DAPK1: variants seen among roughly 807,000 people sequenced by gnomAD.
DAPK1 encodes death-associated protein kinase 1.
A neutral mutation model predicts 144.9 loss-of-function variants in DAPK1; 56 were observed. That is an observed-to-expected ratio of 0.39 (90% CI 0.31 to 0.48). The LOEUF (loss-of-function observed/expected upper bound fraction) is 0.48, where lower values mean the gene tolerates loss of function less well. Ranked by LOEUF, DAPK1 falls within the 20% of genes least tolerant of loss-of-function variation. The pLI, the probability that DAPK1 is intolerant of heterozygous loss-of-function variation, is 0.95. For synonymous variants in DAPK1, 690 were observed against 749.0 expected, an observed-to-expected ratio of 0.92 and a Z score of 1.29; for missense variants, 1,454 against 1,875.4, an observed-to-expected ratio of 0.78 and a Z score of 4.15.
At chr9:87,688,308 A>G (rs1214200692) in intron 21 of DAPK1, among the ~76,000 whole-genome samples, 1 of 152,156 alleles carries the variant, frequency 6.6e-6, no homozygotes, top group African/African-American at 2.4e-5. Context: ...TTCATGATGT[A>G]TATGTATCAT....
At chr9:87,672,154 T>G (rs558060120) in intron 19 of DAPK1, among the ~76,000 whole-genome samples, 1 of 152,156 alleles carries the variant, frequency 6.6e-6, no homozygotes, top group Non-Finnish European at 1.5e-5. Flanking sequence ...TGTTTCCTGT[T>G]ATTGTTGGAA....
chr9:87,647,261 T>C, intron 13 of DAPK1, 44 bp from the exon 14 acceptor site: 1 of 1,490,646 alleles, frequency 6.7e-7, no homozygotes, highest in Non-Finnish European at 9.4e-7. Flanking sequence ...CATCTGGTGC[T>C]GTCAGCTCCC....
At chr9:87,535,131 G>A (rs531805642) in intron 2 of DAPK1, among the ~76,000 whole-genome samples, 26 of 152,116 alleles carry the variant, frequency 1.7e-4, no homozygotes, top group Admixed American at 4.6e-4. Context: ...TCTGTTTTCT[G>A]TGTGTTTCTA....
chr9:87,547,613 G>A (rs1433412071), intron 2 of DAPK1, among the ~76,000 whole-genome samples: 1 of 151,726 alleles, frequency 6.6e-6, no homozygotes, highest in African/African-American at 2.4e-5. Context: ...GTGCGTGTGT[G>A]TAGAGGAGGG....
At chr9:87,541,567 A>T (rs961406162) in intron 2 of DAPK1, among the ~76,000 whole-genome samples, 7 of 149,668 alleles carry the variant, frequency 4.7e-5, no homozygotes, top group South Asian at 2.1e-4. Flanking sequence ...AAAAAAAAAA[A>T]GATGGAGAAA....
chr9:87,499,737 T>C (rs941025562), intron 2 of DAPK1, among the ~76,000 whole-genome samples: 2 of 152,204 alleles, frequency 1.3e-5, no homozygotes, highest in African/African-American at 4.8e-5. Flanking sequence ...AATGAGAGTC[T>C]AATATGGCTA....
intron 2 of DAPK1, among the ~76,000 whole-genome samples, chr9:87,600,004 CAT>C (rs1467666548): frequency 6.6e-6 from 1 of 152,224 alleles, no homozygotes; most frequent in Admixed American, 6.5e-5. Flanking sequence ...CTCCCTGAGT[CAT>C]ATCACAGCTT....
chr9:87,683,286 T>C (rs528700174), intron 20 of DAPK1, among the ~76,000 whole-genome samples: 133 of 152,180 alleles, frequency 8.7e-4, no homozygotes, highest in Non-Finnish European at 1.7e-3. Context: ...TTTCACCATA[T>C]TGGCCAGGCT....
intron 25 of DAPK1, among the ~76,000 whole-genome samples, 190 bp from the exon 26 acceptor site, chr9:87,705,942 A>G (rs1421397674): frequency 6.6e-6 from 1 of 151,454 alleles, no homozygotes; most frequent in Non-Finnish European, 1.5e-5. Flanking sequence ...CTATTCTGAC[A>G]TTTTCAAGCT....
At chr9:87,567,345 A>G (rs574944246) in intron 2 of DAPK1, among the ~76,000 whole-genome samples, 42 of 152,200 alleles carry the variant, frequency 2.8e-4, no homozygotes, top group Non-Finnish European at 5.9e-4. Flanking sequence ...CAAATATCCT[A>G]CTTAACTGAT....
At position 87,639,669 on chromosome 9, in the gene DAPK1, T is replaced by C. The variant is rs1451707957; in HGVS notation, c.573T>C (p.Tyr191=). 3 of 1,614,248 alleles carry C rather than the reference T, an allele frequency of 1.9e-6. No individual in the cohort carries two copies. Among genetic ancestry groups the C allele is most frequent in the East Asian group, 2.2e-5 (1 of 44,880 alleles). The part of the protein sequence containing the change: ...PEFVAPEIVN[Y]EPLGLEADMW... ...TCTTAGCTCCTGAGATAGTCAACTA[T>C]GAACCTCTTGGTCTTGAGGCAGATA... Residue 191 remains tyrosine (Y), a synonymous_variant, in exon 6 of 26, where the codon TAT becomes TAC. Transcript: ENST00000408954.
intron 3 of DAPK1, among the ~76,000 whole-genome samples, chr9:87,637,384 G>T (rs551398824): frequency 2.0e-5 from 3 of 152,044 alleles, no homozygotes; most frequent in Non-Finnish European, 2.9e-5. Flanking sequence ...GAGCCATTGC[G>T]CCCAGGCTAC....
At chr9:87,682,569 G>A (rs768090489) in intron 20 of DAPK1, among the ~76,000 whole-genome samples, 28 of 152,080 alleles carry the variant, frequency 1.8e-4, no homozygotes, top group Non-Finnish European at 3.8e-4. Flanking sequence ...GCGGAGAGTT[G>A]GCTGAGATTT....
At chr9:87,516,340 C>T (rs370711848) in intron 2 of DAPK1, among the ~76,000 whole-genome samples, 3 of 152,120 alleles carry the variant, frequency 2.0e-5, no homozygotes, top group Admixed American at 1.3e-4. Context: ...GTTCTCCCAG[C>T]GGGCCCGTTC....
chr9:87,589,449 G>A (rs1828051053), intron 2 of DAPK1, among the ~76,000 whole-genome samples: 2 of 152,110 alleles, frequency 1.3e-5, no homozygotes, highest in Admixed American at 6.6e-5. Flanking sequence ...GAGCACAGGA[G>A]CACAGCACCC....
intron 2 of DAPK1, among the ~76,000 whole-genome samples, chr9:87,508,315 T>C (rs1201449236): frequency 6.6e-6 from 1 of 151,380 alleles, no homozygotes; most frequent in African/African-American, 2.4e-5. Context: ...CTGGTCCAAC[T>C]TTTCCTTTTC....
intron 2 of DAPK1, among the ~76,000 whole-genome samples, chr9:87,515,545 G>C (rs1825018235): frequency 6.6e-6 from 1 of 152,152 alleles, no homozygotes; most frequent in Admixed American, 6.5e-5. Flanking sequence ...AGTGGTGGGA[G>C]CCATGAGGAG....
chr9:87,620,603 G>A (rs1206939317), intron 3 of DAPK1, among the ~76,000 whole-genome samples: 1 of 151,668 alleles, frequency 6.6e-6, no homozygotes, highest in Middle Eastern at 3.2e-3. Flanking sequence ...AGGAAGGGGA[G>A]GAGGAGGACC....
At chr9:87,634,486 G>T (rs897857870) in intron 3 of DAPK1, among the ~76,000 whole-genome samples, 3 of 152,228 alleles carry the variant, frequency 2.0e-5, no homozygotes, top group Non-Finnish European at 2.9e-5. Flanking sequence ...GGACCTGGAG[G>T]CCCCCAGTCC....
Sources: gnomAD v4.1 joint callset for allele counts (sites outside exome capture counted in the v4.1 genomes callset) on GRCh38, gnomAD v4.1.1 for gene constraint, MANE v1.5 for transcripts, NCBI Gene and HGNC (gene_info 2026-07-23, HGNC 2026-07-21) for gene names.